Variants in BNIP3 observed in about 807,000 individuals in gnomAD.
BNIP3 encodes the protein BCL2 interacting protein 3.
A neutral mutation model predicts 23.9 loss-of-function variants in BNIP3; 16 were observed. The observed-to-expected ratio is 0.67, with a 90% CI of 0.45 to 1.01. The LOEUF (loss-of-function observed/expected upper bound fraction) is 1.01. BNIP3 is among the 50% of genes least tolerant of loss of function. BNIP3 has a pLI of 0.00. For missense variants in BNIP3, 198 were observed against 248.7 expected, an observed-to-expected ratio of 0.80 and a Z score of 1.37; for synonymous variants, 81 against 89.3, an observed-to-expected ratio of 0.91 and a Z score of 0.53.
At chr10:131,981,695 C>G in intron 1 of BNIP3, 66 bp downstream of exon 1, 1 of 1,445,524 alleles carries the variant, frequency 6.9e-7, no homozygotes, top group South Asian at 1.4e-5. Context: ...CCTTGGCGCC[C>G]TCTTGGCCTT....
Position 131,970,885 on chromosome 10 carries a change from C to T in BNIP3, c.368G>A (p.Arg123Gln), listed in dbSNP as rs1362335435. 2 of 1,614,196 alleles carry T rather than the reference C, an allele frequency of 1.2e-6. No homozygotes were observed. Among genetic ancestry groups the T allele is most frequent in the South Asian group, 1.1e-5 (1 of 91,084 alleles). The change falls in exon 4 of 6, where the codon CGG (arginine) becomes CAG (glutamine). Residue 123 changes from arginine (R) to glutamine (Q), a missense_variant. Arg to Gln is a conservative substitution (Grantham distance 43). Coordinates refer to ENST00000368636, the MANE Select transcript of BNIP3 (RefSeq NM_004052.4). This position sits in a 1 kb window ranked among gnomAD's most constrained non-coding sequence, Gnocchi z 4.1. ...TCACTTGGGGGGAATATTTTCCGGC[C>T]GACTTGACCAATCCCATATCCAATC... ...NSDWIWDWSS[R>Q]PENIPPKEFL...
intron 3 of BNIP3, 135 bp downstream of exon 3, chr10:131,972,899 T>G: frequency 6.1e-6 from 5 of 823,436 alleles, no homozygotes; most frequent in Non-Finnish European, 3.7e-6. Context: ...TTGTTTCGCT[T>G]TTTTGTTTTT....
At position 131,970,851 on chromosome 10, in the gene BNIP3, A is replaced by C; in HGVS notation, c.389+13T>G. ...GTCAAGGGGTGCCCCCGTGACACTG[A>C]GAACACACTCACTTGGGGGGAATAT... On this transcript the variant is annotated intron_variant, in intron 4 of 5. Transcript: ENST00000368636. This position sits in a 1 kb window ranked among gnomAD's most constrained non-coding sequence, Gnocchi z 4.1. 2.5e-6 allele frequency: 4 copies of C among 1,614,206 alleles called. No homozygotes were observed. The highest frequency in any genetic ancestry group is 3.4e-6 in the Non-Finnish European group (4 of 1,180,018).
In BNIP3 at chr10:131,968,443, G is replaced by C; in HGVS notation, c.*81C>G. On this transcript the variant is annotated 3_prime_UTR_variant, in exon 6 of 6. Transcript: ENST00000368636. ...AAACACAAGTGACGTGGCCACCCCA[G>C]GATCTAACAGCTCTTCAGTGAGCTA... 8.3e-7 allele frequency: 1 copy of C among 1,201,242 alleles called. No individual in the cohort carries two copies. The highest frequency in any genetic ancestry group is 1.2e-6 in the Non-Finnish European group (1 of 812,876). The allele number at this position is 1,201,242 out of a possible 1,614,324, so 74.4% of individuals were successfully genotyped here.
At chr10:131,971,352 G>T in intron 3 of BNIP3, 1 of 248,040 alleles carries the variant, frequency 4.0e-6, no homozygotes, top group Non-Finnish European at 7.9e-6. Context: ...AATGAAAACA[G>T]CCGAAAACGG....
chr10:131,981,625 G>C, intron 1 of BNIP3, 136 bp downstream of exon 1: 2 of 1,114,620 alleles, frequency 1.8e-6, no homozygotes, highest in Non-Finnish European at 2.4e-6. Flanking sequence ...GGTACGGAAG[G>C]GGAGGATGGC....
intron 1 of BNIP3, chr10:131,980,101 A>G (rs1022492803): frequency 6.6e-6 from 1 of 152,262 alleles, no homozygotes; most frequent in Non-Finnish European, 1.5e-5. Context: ...TATAGAATAA[A>G]CAAAACAGAA....
Position 131,970,532 on chromosome 10 carries a change from G to A in BNIP3, c.539+106C>T. On this transcript the variant is annotated intron_variant, in intron 5 of 5. Transcript: ENST00000368636. The surrounding 1 kb of genome is among the most constrained non-coding windows in gnomAD (Gnocchi z 4.1). ...GGTGTTTGTGAAAATGCACCAAGCT[G>A]TAACTGATGATCTGGACTTCAGGAA... The A allele has an allele frequency of 1.4e-6, 2 of 1,433,400 alleles. No homozygotes were observed. Among genetic ancestry groups the A allele is most frequent in the Non-Finnish European group, 1.9e-6 (2 of 1,065,928 alleles). The allele number at this position is 1,433,400 out of a possible 1,614,324, so 88.8% of individuals were successfully genotyped here. A position where few individuals can be genotyped will look rare whatever the true frequency, so the allele number is the denominator to read the frequency against.
Position 131,974,405 on chromosome 10 carries a change from C to T in BNIP3, c.47-462G>A, listed in dbSNP as rs1306010735. Among the ~76,000 whole-genome samples, 4 of 152,156 alleles carry T rather than the reference C, an allele frequency of 2.6e-5. 1 individual carries two copies. Among genetic ancestry groups the T allele is most frequent in the South Asian group, 4.1e-4 (2 of 4,832 alleles). On this transcript the variant is annotated intron_variant, in intron 1 of 5. Transcript: ENST00000368636. ...TTAAGCTCTATTTTTTGTTTCTTTT[C>T]GAGACGGAGTCTCGCTTTGTCACCC...
chr10:131,971,136 TC>T, intron 3 of BNIP3, 166 bp from the exon 4 acceptor site: 1 of 652,920 alleles, frequency 1.5e-6, no homozygotes. Context: ...CTGGGGGCCT[TC>T]CCCGGGCCGC....
rs1310714176 is a variant in BNIP3 at position 131,976,262 on chromosome 10, GTCTCT to G, written c.47-2324_47-2320del. On this transcript the variant is annotated intron_variant, in intron 1 of 5. Transcript: ENST00000368636. The surrounding 1 kb of genome is among the most constrained non-coding windows in gnomAD (Gnocchi z 4.3). ...CACAAATGCAACTTGAAGGTGTGGTGTCTCTTCTCTGATGCCACTCTTAACATCAA... is the reference window on the plus strand; with the variant it reads ...CACAAATGCAACTTGAAGGTGTGGTGTCTCTGATGCCACTCTTAACATCAA... Among the ~76,000 whole-genome samples the G allele has an allele frequency of 5.3e-5, 8 of 152,194 alleles. No homozygotes were observed. Among genetic ancestry groups the G allele is most frequent in the Admixed American group, 1.3e-4 (2 of 15,276 alleles).
Position 131,981,786 on chromosome 10 carries a change from G to C in BNIP3, c.21C>G (p.Pro7=), listed in dbSNP as rs1054905306. 3 of 1,482,824 alleles carry C rather than the reference G, an allele frequency of 2.0e-6. No homozygotes were observed. The allele number at this position is 1,482,824 out of a possible 1,614,324, so 91.9% of individuals were successfully genotyped here. The stretch of plus-strand genomic sequence containing the variant: ...CCTGCAGGCTCTCCTCCTGCATCCC[G>C]GGCGCTCCGTTCTGCGACATGGCGC... MSQNGA[P]GMQEESLQGS... Residue 7 remains proline (P), a synonymous_variant, in exon 1 of 6, where the codon CCC becomes CCG. Coordinates refer to ENST00000368636, the MANE Select transcript of BNIP3 (RefSeq NM_004052.4).
intron 1 of BNIP3, among the ~76,000 whole-genome samples, chr10:131,979,983 CAACCCCGCCCACGCCGAGCCCACAGT>C (rs765155019): frequency 1.9e-3 from 288 of 152,388 alleles, no homozygotes; most frequent in African/African-American, 3.8e-3. Context: ...CGGGACCGGC[CAACCCCGCCCACGCCGAGCCCACAGT>C]GGCCCCGTCC....
In BNIP3 at chr10:131,972,180, CT is replaced by C. The variant is rs530415257; in HGVS notation, c.282+853del. Reference sequence around the variant, plus strand: ...CACCAAGGCAATAACCCCAGGTACACTTTTTCCTCTAAGACTCACTCCGCTT... The same window carrying C: ...CACCAAGGCAATAACCCCAGGTACACTTTTCCTCTAAGACTCACTCCGCTT... On this transcript the variant is annotated intron_variant, in intron 3 of 5. Coordinates refer to ENST00000368636, the MANE Select transcript of BNIP3 (RefSeq NM_004052.4). Among the ~76,000 whole-genome samples the C allele has an allele frequency of 5.3e-3, 809 of 152,288 alleles. 17 individuals are homozygous for C. Among genetic ancestry groups the C allele is most frequent in the South Asian group, 0.018 (89 of 4,826 alleles).
Position 131,970,377 on chromosome 10 carries a change from T to C in BNIP3, c.539+261A>G, listed in dbSNP as rs145401157. 4.1e-4 allele frequency: 220 copies of C among 537,762 alleles called. No homozygotes were observed. The highest frequency in any genetic ancestry group is 3.6e-3 in the African/African-American group (188 of 52,694). 33.3% of individuals were successfully genotyped at this position (537,762 alleles called of 1,614,324 possible). A position where few individuals can be genotyped will look rare whatever the true frequency, so the allele number is the denominator to read the frequency against. ...GAGGTCAGACCTAAGAAGCCCTGCT[T>C]TGACTCCGTTTATATTCAGTGAGCA... On this transcript the variant is annotated intron_variant, in intron 5 of 5. Transcript: ENST00000368636. The surrounding 1 kb of genome is among the most constrained non-coding windows in gnomAD (Gnocchi z 4.1).
intron 3 of BNIP3, among the ~76,000 whole-genome samples, chr10:131,971,878 C>T (rs1417589668): frequency 6.6e-6 from 1 of 152,214 alleles, no homozygotes; most frequent in Non-Finnish European, 1.5e-5. Context: ...GTAACAGGGA[C>T]TCCTTGTTTC....
intron 5 of BNIP3, chr10:131,969,160 T>C (rs548082403): frequency 6.5e-6 from 1 of 153,374 alleles, no homozygotes; most frequent in East Asian, 1.9e-4. Flanking sequence ...GTGGGCACTG[T>C]GAGCGCAGAC....
intron 1 of BNIP3, among the ~76,000 whole-genome samples, chr10:131,978,279 AATATTT>A (rs1187867293): frequency 6.6e-6 from 1 of 152,100 alleles, no homozygotes; most frequent in African/African-American, 2.4e-5. Context: ...CTAGACTATA[AATATTT>A]ATATCACAGT....
chr10:131,973,847 A>T lies in BNIP3; in HGVS notation c.143T>A (p.Leu48Gln), dbSNP rs140103709. ...CCGTCCAGACTCATGCTGTGCGTCC[A>T]GCAGTATTTTTTCCATGTCTCCATT... The part of the protein sequence containing the change: ...IYNGDMEKIL[L>Q]DAQHESGRSS... Residue 48 changes from leucine (L) to glutamine (Q), a missense_variant, in exon 2 of 6, where the codon CTG (leucine) becomes CAG (glutamine). By Grantham distance (113) the Leu-to-Gln change is moderately radical. Transcript: ENST00000368636. The T allele has an allele frequency of 6.2e-7, 1 of 1,612,676 alleles. No homozygotes were observed. Among genetic ancestry groups the T allele is most frequent in the African/African-American group, 1.3e-5 (1 of 74,884 alleles).
Sources: gnomAD v4.1 joint callset for allele counts (sites outside exome capture counted in the v4.1 genomes callset) on GRCh38, gnomAD v4.1.1 for gene constraint, Gnocchi (gnomAD v3.1) non-coding constraint, MANE v1.5 for transcripts, NCBI Gene and HGNC (gene_info 2026-07-23, HGNC 2026-07-21) for gene names.